SRP14: variants seen among roughly 807,000 people sequenced by gnomAD.
The protein encoded by SRP14 is signal recognition particle 14.
A neutral mutation model predicts 16.0 loss-of-function variants in SRP14; 1 was observed. The observed-to-expected ratio is 0.06, with a 90% CI of 0.02 to 0.30. The LOEUF is 0.30. Ranked by LOEUF, SRP14 falls within the 10% of genes least tolerant of loss-of-function variation. The pLI is 1.00. For synonymous variants in SRP14, 67 were observed against 60.1 expected (o/e 1.12, Z -0.53); for missense variants, 120 against 163.1 (o/e 0.74, Z 1.44).
intron 4 of SRP14, chr15:40,036,717 T>C: frequency 1.5e-6 from 1 of 657,496 alleles, no homozygotes. Context: ...TTTTACGTTT[T>C]TTTCCAAGGG....
At chr15:40,036,596 C>T in intron 4 of SRP14, 96 bp from the exon 5 acceptor site, 1 of 1,258,636 alleles carries the variant, frequency 7.9e-7, no homozygotes, top group South Asian at 1.4e-5. Context: ...AGCCAAAAAT[C>T]AGGAAAGAAT....
Position 40,036,621 on chromosome 15 carries a change from C to T in SRP14, c.244-121G>A, listed in dbSNP as rs1011258528. On this transcript the variant is annotated intron_variant, in intron 4 of 4. Transcript: ENST00000267884. ...CAGGAAAGAATATAGCACCATTGGA[C>T]ACTTGTACCGGAAAATGGTATAAGC... 6 of 958,014 alleles carry T rather than the reference C, an allele frequency of 6.3e-6. No homozygotes were observed. The African/African-American group carries it at 9.7e-5, about 15-fold the overall frequency. 59.3% of individuals were successfully genotyped at this position (958,014 alleles called of 1,614,324 possible). A position where few individuals can be genotyped will look rare whatever the true frequency, so the allele number is the denominator to read the frequency against.
At chr15:40,037,278 G>GCAAAAAAAAAAAA in intron 3 of SRP14, 1 of 193,386 alleles carries the variant, frequency 5.2e-6, no homozygotes, top group Non-Finnish European at 6.7e-6. Flanking sequence ...CTCCTTTTGG[G>GCAAAAAAAAAAAA]GAAAAAAAAA....
chr15:40,037,282 A>G (rs1374845121), intron 3 of SRP14: 18 of 1,302,528 alleles, frequency 1.4e-5, no homozygotes, highest in Admixed American at 1.4e-4. Context: ...TTTTGGGGAA[A>G]AAAAAAAAAA....
intron 2 of SRP14, chr15:40,038,653 G>A (rs969323517): frequency 3.7e-5 from 23 of 614,862 alleles, no homozygotes. Context: ...AAGAGCCCTG[G>A]GCTGCTTGGG....
intron 4 of SRP14, chr15:40,036,772 A>T: frequency 1.5e-6 from 1 of 648,288 alleles, no homozygotes; most frequent in Non-Finnish European, 2.6e-6. Context: ...TAGGTAGCAT[A>T]TATCTACAGC....
rs770580464 is a variant in SRP14 at position 40,036,512 on chromosome 15, A to G, written c.244-12T>C. ...AGGTTTGAATAAGCCTGAAAGATACAACAGAGCATACCTTAGTGGGAAGAT... is the reference window on the plus strand; with the variant it reads ...AGGTTTGAATAAGCCTGAAAGATACGACAGAGCATACCTTAGTGGGAAGAT... On this transcript the variant is annotated splice_polypyrimidine_tract_variant and intron_variant, in intron 4 of 4. Coordinates refer to ENST00000267884, the MANE Select transcript of SRP14 (RefSeq NM_003134.6). 3 of 1,611,946 alleles carry G rather than the reference A, an allele frequency of 1.9e-6. No individual in the cohort carries two copies. In the Admixed American group the frequency reaches 5.0e-5, roughly 27 times the overall value.
At chr15:40,038,652 G>C (rs1356868170) in intron 2 of SRP14, 3 of 614,578 alleles carry the variant, frequency 4.9e-6, no homozygotes, top group Non-Finnish European at 2.9e-6. Context: ...AAAGAGCCCT[G>C]GGCTGCTTGG....
At position 40,038,295 on chromosome 15, in the gene SRP14, T is replaced by A. The variant is rs201924463; in HGVS notation, c.197A>T (p.Lys66Met). 24 of 1,612,816 alleles carry A rather than the reference T, an allele frequency of 1.5e-5. No homozygotes were observed. Among genetic ancestry groups the A allele is most frequent in the East Asian group, 2.2e-5 (1 of 44,896 alleles). Residue 66 changes from lysine (K) to methionine (M), a missense_variant, in exon 3 of 5, where the codon AAG becomes ATG. Lys to Met is a moderately conservative substitution (Grantham distance 95). Transcript: ENST00000267884. ...AATTAAGCTCACCACAGTGCTGATCTTCTTCTTCCCATCGGTAGCTCTTAA... is the reference window on the plus strand; with the variant it reads ...AATTAAGCTCACCACAGTGCTGATCATCTTCTTCCCATCGGTAGCTCTTAA... The part of the protein sequence containing the change: ...CLLRATDGKK[K>M]ISTVVSSKEV...
rs766947272 is a variant in SRP14, at chr15:40,036,371, T to TTGGTGCTGTTGCTGCTGCGGCAGGTGC, written c.346_372dup (p.Ala116_Pro124dup). On this transcript the variant is annotated inframe_insertion, in exon 5 of 5. Transcript: ENST00000267884. The stretch of plus-strand genomic sequence containing the variant: ...GTTGCTGCTGTTGTTGCTGCTGTTG[T>TTGGTGCTGTTGCTGCTGCGGCAGGTGC]TGGTGCTGTTGCTGCTGCGGCAGGT... 2 of 1,599,500 alleles carry TTGGTGCTGTTGCTGCTGCGGCAGGTGC rather than the reference T, an allele frequency of 1.3e-6. No individual in the cohort carries two copies. Among genetic ancestry groups the TTGGTGCTGTTGCTGCTGCGGCAGGTGC allele is most frequent in the South Asian group, 2.2e-5 (2 of 89,904 alleles).
chr15:40,037,294 A>AAAAAAAAAAAAAAAAAC, intron 3 of SRP14: 3 of 1,352,534 alleles, frequency 2.2e-6, no homozygotes, highest in Non-Finnish European at 2.9e-6. Context: ...AAAAAAAAAA[A>AAAAAAAAAAAAAAAAAC]GCTTTGTTTC....
intron 3 of SRP14, chr15:40,037,250 G>C (rs556897599): frequency 1.6e-6 from 2 of 1,227,444 alleles, no homozygotes; most frequent in African/African-American, 1.7e-5. Context: ...ATTGCACCAA[G>C]AGGTGAAAGG....
intron 3 of SRP14, 182 bp from the exon 4 acceptor site, chr15:40,037,200 A>C (rs2035638399): frequency 4.8e-6 from 6 of 1,257,510 alleles, no homozygotes; most frequent in South Asian, 1.7e-5. Flanking sequence ...CTCTGCCTAG[A>C]GAACAAGAAA....
chr15:40,039,194 A>G, upstream of SRP14: 1 of 1,510,980 alleles, frequency 6.6e-7, no homozygotes, highest in Non-Finnish European at 9.0e-7. Context: ...GCTGGGCGGG[A>G]CTTCCGCTAC....
chr15:40,037,180 C>A, intron 3 of SRP14, 162 bp from the exon 4 acceptor site: 1 of 1,225,056 alleles, frequency 8.2e-7, no homozygotes, highest in Non-Finnish European at 1.1e-6. Flanking sequence ...TATTTTTCTA[C>A]TCTACTTTCC....
rs113051637 is a variant in SRP14 at position 40,036,250 on chromosome 15, G to C, written c.*83C>G. On this transcript the variant is annotated 3_prime_UTR_variant, in exon 5 of 5. Transcript: ENST00000267884. ...CTTATGTGAAAACACCTACTGTGGG[G>C]GAACCAGAAACCTAGCTATCTGGCC... The C allele has an allele frequency of 5.6e-4, 880 of 1,584,320 alleles. 7 individuals carry two copies. The African/African-American group carries it at 0.01, about 18-fold the overall frequency.
chr15:40,036,886 T>C (rs764186863), intron 4 of SRP14, 100 bp downstream of exon 4: 3 of 1,344,320 alleles, frequency 2.2e-6, no homozygotes, highest in Non-Finnish European at 3.2e-6. Context: ...AAAACTTATC[T>C]CCGGAGAGCA....
intron 2 of SRP14, 71 bp downstream of exon 2, chr15:40,038,805 A>G (rs756506621): frequency 5.2e-6 from 8 of 1,545,846 alleles, no homozygotes; most frequent in Non-Finnish European, 7.1e-6. Flanking sequence ...GGTCCGCGGC[A>G]GACAGACTCC....
intron 4 of SRP14, 125 bp from the exon 5 acceptor site, chr15:40,036,625 T>G (rs2140955642): frequency 1.1e-6 from 1 of 931,956 alleles, no homozygotes; most frequent in South Asian, 1.6e-5. Context: ...ATTGGACACT[T>G]GTACCGGAAA....
Sources: gnomAD v4.1 joint callset for allele counts on GRCh38, gnomAD v4.1.1 for gene constraint, MANE v1.5 for transcripts, NCBI Gene and HGNC (gene_info 2026-07-23, HGNC 2026-07-21) for gene names.